TJP1: variants seen among roughly 807,000 people sequenced by gnomAD.
TJP1 encodes the protein tight junction protein 1, also known as tight junction protein ZO-1.
Under a neutral mutation model 194.2 loss-of-function variants are expected in TJP1, and 43 were observed. The observed-to-expected ratio is 0.22, with a 90% CI of 0.17 to 0.29. The LOEUF (loss-of-function observed/expected upper bound fraction) is 0.29. TJP1 is among the 10% of genes least tolerant of loss of function. The probability of loss-of-function intolerance (pLI) is 1.00; values close to 1 mark genes in which losing one functional copy is unlikely to be tolerated. For missense variants in TJP1, 1,971 were observed against 2,185.7 expected (o/e 0.90, Z 1.96); for synonymous variants, 801 against 779.0 (o/e 1.03, Z -0.47).
At chr15:29,732,946 AGAG>A (rs2043764257) in intron 13 of TJP1, 131 bp from the exon 14 acceptor site, 1 of 1,252,726 alleles carries the variant, frequency 8.0e-7, no homozygotes, top group Non-Finnish European at 1.1e-6. Context: ...GTTATAATAA[AGAG>A]GAGTTTGTAA....
At chr15:29,809,109 CAT>C (rs2049313077) in intron 1 of TJP1, among the ~76,000 whole-genome samples, 1 of 152,026 alleles carries the variant, frequency 6.6e-6, no homozygotes, top group South Asian at 2.1e-4. Context: ...GCAAAATATA[CAT>C]GATATGTAAA....
intron 4 of TJP1, among the ~76,000 whole-genome samples, chr15:29,768,964 G>A (rs376594168): frequency 1.3e-5 from 2 of 152,194 alleles, no homozygotes; most frequent in East Asian, 3.9e-4. Flanking sequence ...AAAGGCTTTT[G>A]GAAGCATGAC....
At chr15:29,868,457 G>A (rs948259331) in intron 2 of TJP1, among the ~76,000 whole-genome samples, 6 of 152,158 alleles carry the variant, frequency 3.9e-5, no homozygotes, top group African/African-American at 7.2e-5. Flanking sequence ...GGCTCTCAGC[G>A]TTCTAGAGGC....
chr15:29,769,190 A>G (rs2046502109), intron 4 of TJP1, among the ~76,000 whole-genome samples: 1 of 152,218 alleles, frequency 6.6e-6, no homozygotes, highest in Non-Finnish European at 1.5e-5. Context: ...ACCACCATAT[A>G]AATGCAAAGG....
At chr15:29,950,772 C>A (rs2152307458) in intron 2 of TJP1, among the ~76,000 whole-genome samples, 1 of 152,282 alleles carries the variant, frequency 6.6e-6, no homozygotes, top group Admixed American at 6.5e-5. Flanking sequence ...TGGAGAAAAA[C>A]TTAGGATGTG....
At chr15:29,873,651 G>A (rs2052601506) in intron 2 of TJP1, among the ~76,000 whole-genome samples, 1 of 152,138 alleles carries the variant, frequency 6.6e-6, no homozygotes, top group South Asian at 2.1e-4. Flanking sequence ...TAGATTTCAA[G>A]CACTGACCTC....
At chr15:29,724,348 C>T (rs1253372723) in intron 18 of TJP1, among the ~76,000 whole-genome samples, 1 of 152,218 alleles carries the variant, frequency 6.6e-6, no homozygotes, top group African/African-American at 2.4e-5. Context: ...AACTCGGTAA[C>T]AGCTGTTGCA....
intron 8 of TJP1, among the ~76,000 whole-genome samples, chr15:29,744,595 T>G (rs1374594139): frequency 6.6e-6 from 1 of 152,180 alleles, no homozygotes; most frequent in African/African-American, 2.4e-5. Flanking sequence ...GTATCACGTA[T>G]ATATGGTTTT....
intron 2 of TJP1, among the ~76,000 whole-genome samples, chr15:29,782,437 A>T (rs995706850): frequency 1.3e-5 from 2 of 152,192 alleles, no homozygotes; most frequent in African/African-American, 2.4e-5. Flanking sequence ...AAAAACAAGC[A>T]ATGGGGAAAG....
At chr15:29,737,068 G>A (rs2044081410) in intron 11 of TJP1, among the ~76,000 whole-genome samples, 196 bp downstream of exon 11, 2 of 152,278 alleles carry the variant, frequency 1.3e-5, no homozygotes, top group Non-Finnish European at 2.9e-5. Flanking sequence ...CAGTAAACAA[G>A]AGCAAGATAC....
chr15:29,800,545 C>T (rs2048713529), intron 2 of TJP1, 101 bp downstream of exon 2: 2 of 1,119,360 alleles, frequency 1.8e-6, no homozygotes, highest in Non-Finnish European at 1.3e-6. Context: ...AAAAAGTTTC[C>T]TCCTCCCTCT....
chr15:29,733,045 A>G (rs1450704149), intron 13 of TJP1, 49 bp downstream of exon 13: 1 of 1,550,608 alleles, frequency 6.4e-7, no homozygotes, highest in African/African-American at 1.4e-5. Flanking sequence ...GAAATGATCT[A>G]TCATCATTTA....
At chr15:29,852,949 C>A (rs576448305) in intron 2 of TJP1, among the ~76,000 whole-genome samples, 61 of 151,478 alleles carry the variant, frequency 4.0e-4, no homozygotes, top group Non-Finnish European at 6.2e-4. Context: ...AAAACCTGTA[C>A]ACAAATATTC....
At position 29,728,397 on chromosome 15, in the gene TJP1, G is replaced by A. The variant is rs866493366; in HGVS notation, c.2018-378C>T. 36 of 176,786 alleles carry A rather than the reference G, an allele frequency of 2.0e-4. No individual in the cohort carries two copies. In the Middle Eastern group the frequency reaches 7.8e-3, roughly 38 times the overall value. 11.0% of individuals were successfully genotyped at this position (176,786 alleles called of 1,614,324 possible). The stretch of plus-strand genomic sequence containing the variant: ...CACACTGAGATAAACTGAGGGGGCT[G>A]CTCCTTTGCCAAGCTCTAACCAGCC... On this transcript the variant is annotated intron_variant, in intron 15 of 27. Coordinates refer to ENST00000614355, the MANE Select transcript of TJP1 (RefSeq NM_001330239.4).
chr15:29,882,663 T>A (rs535870020), intron 2 of TJP1, among the ~76,000 whole-genome samples: 1 of 152,214 alleles, frequency 6.6e-6, no homozygotes, highest in African/African-American at 2.4e-5. Context: ...TGCATCTCCA[T>A]GTGTCGGACC....
At chr15:29,908,921 A>G (rs962365889) in intron 2 of TJP1, among the ~76,000 whole-genome samples, 17 of 152,168 alleles carry the variant, frequency 1.1e-4, no homozygotes, top group South Asian at 6.2e-4. Flanking sequence ...TTGGGAGGCC[A>G]AGGCGGGCGG....
At chr15:29,924,065 T>C (rs1373717603) in intron 2 of TJP1, among the ~76,000 whole-genome samples, 3 of 152,218 alleles carry the variant, frequency 2.0e-5, no homozygotes, top group Non-Finnish European at 4.4e-5. Flanking sequence ...AATTCAGAGG[T>C]GATCTTTTTG....
rs1344938385 is a variant in TJP1 at position 29,772,151 on chromosome 15, A to G, written c.225T>C (p.Val75=). The change falls in exon 4 of 28, where the codon GTT becomes GTC. Residue 75 remains valine (V), a synonymous_variant. Coordinates refer to ENST00000614355, the MANE Select transcript of TJP1 (RefSeq NM_001330239.4). The part of the protein sequence containing the change: ...AEGQLQENDR[V]AMVNGVSMDN... The stretch of plus-strand genomic sequence containing the variant: ...CCATTGAAACTCCGTTAACCATTGC[A>G]ACTCGGTCATTTTCCCTAAGGGGAA... 4 of 1,601,360 alleles carry G rather than the reference A, an allele frequency of 2.5e-6. No individual in the cohort carries two copies. The East Asian group carries it at 6.8e-5, about 27-fold the overall frequency.
chr15:29,780,639 A>C (rs1005291114), intron 2 of TJP1, among the ~76,000 whole-genome samples: 6 of 152,198 alleles, frequency 3.9e-5, no homozygotes, highest in Non-Finnish European at 8.8e-5. Context: ...ACATCTCTGC[A>C]GACAATAAAA....
Sources: allele counts gnomAD v4.1 joint callset (sites outside exome capture counted in the v4.1 genomes callset), GRCh38; gene constraint gnomAD v4.1.1; transcripts MANE v1.5; gene names NCBI Gene and HGNC (gene_info 2026-07-23, HGNC 2026-07-21).